Variants in SERAC1 observed in about 807,000 individuals in gnomAD.
SERAC1 encodes the protein protein SERAC1.
SERAC1 carries 36 observed loss-of-function variants against 85.7 expected under a neutral mutation model. The ratio of observed to expected loss-of-function variants is 0.42; its 90% CI spans 0.32 to 0.55. The LOEUF (loss-of-function observed/expected upper bound fraction) is 0.55, where lower values mean the gene tolerates loss of function less well. Ranked by LOEUF, SERAC1 falls within the 20% of genes least tolerant of loss-of-function variation. The pLI, the probability that SERAC1 is intolerant of heterozygous loss-of-function variation, is 0.11. For missense variants in SERAC1, 629 were observed against 796.2 expected (o/e 0.79, Z 2.53); for synonymous variants, 242 against 265.3 (o/e 0.91, Z 0.85).
At chr6:158,124,388 T>C (rs1784488109) in intron 10 of SERAC1, among the ~76,000 whole-genome samples, 1 of 151,976 alleles carries the variant, frequency 6.6e-6, no homozygotes, top group Non-Finnish European at 1.5e-5. Flanking sequence ...GACAAAAGAA[T>C]AAATATTGGA....
intron 3 of SERAC1, chr6:158,150,990 A>T (rs745373352): frequency 6.3e-6 from 1 of 158,860 alleles, no homozygotes; most frequent in African/African-American, 2.4e-5. Context: ...TTATGTATTC[A>T]CTATAGTATA....
chr6:158,156,968 A>G (rs12196436), intron 2 of SERAC1, among the ~76,000 whole-genome samples: 115 of 101,394 alleles, frequency 1.1e-3, no homozygotes, highest in South Asian at 2.1e-3. Context: ...AAATATTAAT[A>G]TATTTATATA....
At chr6:158,121,139 T>C (rs2128412686) in intron 10 of SERAC1, among the ~76,000 whole-genome samples, 1 of 152,266 alleles carries the variant, frequency 6.6e-6, no homozygotes, top group South Asian at 2.1e-4. Flanking sequence ...TTCTTTTTTT[T>C]AATGTTTTTG....
intron 5 of SERAC1, among the ~76,000 whole-genome samples, chr6:158,148,038 C>T (rs1346924132): frequency 6.6e-6 from 1 of 152,114 alleles, no homozygotes; most frequent in Non-Finnish European, 1.5e-5. Flanking sequence ...CCCAAATCAT[C>T]TAAAATTCAG....
Position 158,114,935 on chromosome 6 carries a change from G to GTACA in SERAC1, c.1537_1538insTGTA (p.Thr513MetfsTer20). The GTACA allele has an allele frequency of 6.2e-7, 1 of 1,613,256 alleles. No homozygotes were observed. The highest frequency in any genetic ancestry group is 1.3e-5 in the African/African-American group (1 of 74,960). ...GATAACAGTACTCATTTCTGGCTTC[G>GTACA]TAGAGGCTTCCAACAGCATCTTTTT... is the stretch of plus-strand genomic sequence containing the variant. On this transcript the variant is annotated frameshift_variant, in exon 15 of 17. Transcript: ENST00000647468. LOFTEE classifies it high-confidence loss of function.
chr6:158,151,322 G>T (rs1785198708), intron 3 of SERAC1, among the ~76,000 whole-genome samples: 1 of 152,196 alleles, frequency 6.6e-6, no homozygotes, highest in Non-Finnish European at 1.5e-5. Context: ...AAAGCAGAAG[G>T]ATCCCTTGAG....
At position 158,149,029 on chromosome 6, in the gene SERAC1, G is replaced by A. The variant is rs571919782; in HGVS notation, c.266-75C>T. On this transcript the variant is annotated intron_variant, in intron 4 of 16. Transcript: ENST00000647468. ...TTTTGAGATGGAATCTTACTCTGTC[G>A]CCCAGGTTGGAGTGCAGTGGCACAA... 3.4e-4 allele frequency: 380 copies of A among 1,131,522 alleles called. 2 individuals are homozygous for A. Among genetic ancestry groups the A allele is most frequent in the African/African-American group, 2.3e-3 (146 of 62,980 alleles). The allele number at this position is 1,131,522 out of a possible 1,614,324, so 70.1% of individuals were successfully genotyped here. A position where few individuals can be genotyped will look rare whatever the true frequency, so the allele number is the denominator to read the frequency against.
At chr6:158,157,207 G>C (rs1479278463) in intron 2 of SERAC1, among the ~76,000 whole-genome samples, 1 of 151,784 alleles carries the variant, frequency 6.6e-6, no homozygotes, top group African/African-American at 2.4e-5. Context: ...ATGTTGACCA[G>C]GCTGGTCTTG....
intron 2 of SERAC1, among the ~76,000 whole-genome samples, chr6:158,157,037 C>T: frequency 6.7e-6 from 1 of 148,334 alleles, no homozygotes; most frequent in Non-Finnish European, 1.5e-5. Context: ...CATTCTGTTG[C>T]CCAGGCTGGA....
rs924499658 is a variant in SERAC1 at position 158,111,220 on chromosome 6, C to A, written c.*146G>T. The A allele has an allele frequency of 1.4e-6, 1 of 731,020 alleles. No homozygotes were observed. Among genetic ancestry groups the A allele is most frequent in the Non-Finnish European group, 2.1e-6 (1 of 479,814 alleles). 45.3% of individuals were successfully genotyped at this position (731,020 alleles called of 1,614,324 possible). On this transcript the variant is annotated 3_prime_UTR_variant, in exon 17 of 17. Coordinates refer to ENST00000647468, the MANE Select transcript of SERAC1 (RefSeq NM_032861.4). ...TGCTTTACAGCGCTTGAAGGGAGAA[C>A]AATGTTCTGTAGTCTGCAACACACT...
At chr6:158,122,144 G>A (rs1275262319) in intron 10 of SERAC1, among the ~76,000 whole-genome samples, 1 of 152,182 alleles carries the variant, frequency 6.6e-6, no homozygotes, top group Non-Finnish European at 1.5e-5. Context: ...ACAGTAACCT[G>A]CTGTATAGGT....
In SERAC1 at chr6:158,110,376, AC is replaced by A. The variant is rs1401085618; in HGVS notation, c.*989del. Reference sequence around the variant, plus strand: ...ACTCCAGCTTGGGCAACAGAGTCAGACCCTGTCTCTAAACAAACAAAACAAA... The same window carrying A: ...ACTCCAGCTTGGGCAACAGAGTCAGACCTGTCTCTAAACAAACAAAACAAA... On this transcript the variant is annotated 3_prime_UTR_variant, in exon 17 of 17. Transcript: ENST00000647468. 6.6e-6 allele frequency: 1 copy of A among 152,172 alleles called. No individual in the cohort carries two copies. Among genetic ancestry groups the A allele is most frequent in the Non-Finnish European group, 1.5e-5 (1 of 68,064 alleles). 9.4% of individuals were successfully genotyped at this position (152,172 alleles called of 1,614,324 possible).
Position 158,150,665 on chromosome 6 carries a change from C to T in SERAC1, c.129-76G>A, listed in dbSNP as rs1263307577. 5 of 1,090,618 alleles carry T rather than the reference C, an allele frequency of 4.6e-6. No homozygotes were observed. In the African/African-American group the frequency reaches 4.7e-5, roughly 10 times the overall value. The allele number at this position is 1,090,618 out of a possible 1,614,324, so 67.6% of individuals were successfully genotyped here. ...ACAAGAGCTACTCTTCTCTATTAAG[C>T]TTGTCATAGTAAACTTCTTTTTTGT... On this transcript the variant is annotated intron_variant, in intron 3 of 16. Coordinates refer to ENST00000647468, the MANE Select transcript of SERAC1 (RefSeq NM_032861.4).
intron 3 of SERAC1, among the ~76,000 whole-genome samples, chr6:158,150,845 T>C (rs981518804): frequency 2.0e-5 from 3 of 152,222 alleles, no homozygotes; most frequent in African/African-American, 4.8e-5. Context: ...AGTGACTGAG[T>C]AGCCATCGTA....
intron 10 of SERAC1, among the ~76,000 whole-genome samples, chr6:158,121,088 G>GCAAA (rs909067223): frequency 5.9e-4 from 89 of 152,030 alleles, no homozygotes; most frequent in African/African-American, 2.0e-3. Flanking sequence ...TTAAAGGGAG[G>GCAAA]CAAACAGAAA....
At chr6:158,136,612 A>G (rs967998485) in intron 8 of SERAC1, among the ~76,000 whole-genome samples, 12 of 152,194 alleles carry the variant, frequency 7.9e-5, no homozygotes, top group African/African-American at 2.9e-4. Context: ...CTCCTGCCTC[A>G]GCCTCCTCAG....
chr6:158,115,683 A>G (rs1784270760), intron 14 of SERAC1, among the ~76,000 whole-genome samples: 1 of 152,106 alleles, frequency 6.6e-6, no homozygotes, highest in Non-Finnish European at 1.5e-5. Context: ...GCCATTCCAT[A>G]AGCAACCACT....
chr6:158,138,230 C>G (rs753072914), intron 8 of SERAC1, among the ~76,000 whole-genome samples: 2 of 151,998 alleles, frequency 1.3e-5, no homozygotes, highest in African/African-American at 2.4e-5. Context: ...GTCAGGAGTT[C>G]GAGACCAGCC....
chr6:158,116,571 C>CT, intron 13 of SERAC1: 1 of 312,930 alleles, frequency 3.2e-6, no homozygotes, highest in East Asian at 7.0e-5. Context: ...CGTTAATTCT[C>CT]TATTTGTAAC....
Sources: allele counts gnomAD v4.1 joint callset (sites outside exome capture counted in the v4.1 genomes callset), GRCh38; gene constraint gnomAD v4.1.1; transcripts MANE v1.5; gene names NCBI Gene and HGNC (gene_info 2026-07-23, HGNC 2026-07-21).